CLUL1: variants seen among roughly 807,000 people sequenced by gnomAD.
CLUL1 encodes the protein clusterin-like protein 1.
Under a neutral mutation model 49.4 loss-of-function variants are expected in CLUL1, and 43 were observed. That is an observed-to-expected ratio of 0.87 (90% CI 0.68 to 1.12). The LOEUF (loss-of-function observed/expected upper bound fraction) is 1.12, where lower values mean the gene tolerates loss of function less well. Among genes scored for constraint, CLUL1 ranks in the 50% most tolerant of loss-of-function variants. CLUL1 has a pLI of 0.00. For missense variants in CLUL1, 486 were observed against 544.4 expected, an observed-to-expected ratio of 0.89 and a Z score of 1.07; for synonymous variants, 192 against 184.9, an observed-to-expected ratio of 1.04 and a Z score of -0.31.
Position 633,791 on chromosome 18 carries a change from A to ATGTAATCGGAATGAATCAGGGCGGAGCG in CLUL1, c.994+406_994+433dup, listed in dbSNP as rs751070693. Reference sequence around the variant, plus strand: ...GAGGGAAAAATGGTTATGACAGAGCATGTAATCGGAATGAATCAGGGCGGA... The same window carrying ATGTAATCGGAATGAATCAGGGCGGAGCG: ...GAGGGAAAAATGGTTATGACAGAGCATGTAATCGGAATGAATCAGGGCGGAGCGTGTAATCGGAATGAATCAGGGCGGA... On this transcript the variant is annotated intron_variant, in intron 7 of 9. Coordinates refer to ENST00000692774, the MANE Select transcript of CLUL1 (RefSeq NM_001393344.1). 2.9e-3 allele frequency among the ~76,000 whole-genome samples: 426 copies of ATGTAATCGGAATGAATCAGGGCGGAGCG among 148,588 alleles called. 5 individuals are homozygous for ATGTAATCGGAATGAATCAGGGCGGAGCG. The highest frequency in any genetic ancestry group is 9.1e-3 in the African/African-American group (366 of 40,158).
At chr18:626,855 C>A (rs1420946909) in intron 5 of CLUL1, among the ~76,000 whole-genome samples, 2 of 119,334 alleles carry the variant, frequency 1.7e-5, no homozygotes, top group Admixed American at 2.2e-4. Flanking sequence ...AGCAAGACTC[C>A]ATCTCAAATA....
chr18:616,116 G>A lies in CLUL1; in HGVS notation c.-13-1872G>A, dbSNP rs114977734. On this transcript the variant is annotated intron_variant, in intron 2 of 9. Coordinates refer to ENST00000692774, the MANE Select transcript of CLUL1 (RefSeq NM_001393344.1). ...TGTAGATTCCAGAGTTGGCTATCAT[G>A]ACTAACAGCTGTCTAAGTTGTTTTT... Among the ~76,000 whole-genome samples the A allele has an allele frequency of 6.0e-3, 913 of 151,820 alleles. 11 individuals are homozygous for A. Among genetic ancestry groups the A allele is most frequent in the African/African-American group, 0.021 (864 of 41,344 alleles).
chr18:603,401 G>T (rs1336132237), intron 1 of CLUL1, among the ~76,000 whole-genome samples: 1 of 143,566 alleles, frequency 7.0e-6, no homozygotes, highest in African/African-American at 2.5e-5. Context: ...GGAGGTAAAT[G>T]AGGAGACAAA....
In CLUL1 at chr18:644,967, G is replaced by C; in HGVS notation, c.1267G>C (p.Asp423His). 1 of 1,613,686 alleles carries C rather than the reference G, an allele frequency of 6.2e-7. No homozygotes were observed. Among genetic ancestry groups the C allele is most frequent in the Middle Eastern group, 1.6e-4 (1 of 6,062 alleles). ...CAAACAAGATGAAACAATGATGACA[G>C]ACTTAAGCATTCTGCCTTCCTCTAA... Reference protein sequence around the residue: ...ISKQDETMMTDLSILPSSNFT... With the variant: ...ISKQDETMMTHLSILPSSNFT... Residue 423 changes from aspartate (D) to histidine (H), a missense_variant, in exon 9 of 10, where the codon GAC becomes CAC. Asp to His is a moderately conservative substitution (Grantham distance 81, BLOSUM62 -1). Transcript: ENST00000692774.
intron 1 of CLUL1, among the ~76,000 whole-genome samples, chr18:600,329 A>T (rs1030403355): frequency 3.9e-5 from 6 of 152,248 alleles, no homozygotes; most frequent in African/African-American, 1.2e-4. Flanking sequence ...TATCTGGCTC[A>T]AGACCAGGAC....
intron 6 of CLUL1, among the ~76,000 whole-genome samples, chr18:630,672 C>CTTTTTTTTTTTTTTTT (rs36222515): frequency 4.8e-5 from 3 of 62,044 alleles, no homozygotes; most frequent in Admixed American, 2.5e-4. Context: ...CTACTGACAT[C>CTTTTTTTTTTTTTTTT]TTTTTTTTTT....
intron 1 of CLUL1, among the ~76,000 whole-genome samples, chr18:605,772 G>A (rs1368393718): frequency 6.6e-6 from 1 of 152,098 alleles, no homozygotes; most frequent in Non-Finnish European, 1.5e-5. Flanking sequence ...CGCCTACCAG[G>A]TTCAAGCCAT....
intron 1 of CLUL1, among the ~76,000 whole-genome samples, chr18:605,710 G>A (rs193274657): frequency 2.6e-5 from 4 of 152,122 alleles, no homozygotes; most frequent in East Asian, 3.9e-4. Flanking sequence ...AGGGTCTTGC[G>A]CTGTCACCCA....
chr18:604,982 C>G (rs1017391485), intron 1 of CLUL1, among the ~76,000 whole-genome samples: 2 of 152,160 alleles, frequency 1.3e-5, no homozygotes, highest in Non-Finnish European at 2.9e-5. Flanking sequence ...TCCCTGTGCA[C>G]GTTCCCTTAT....
At chr18:613,017 G>GGTGAA (rs2073185807) in intron 2 of CLUL1, 1 of 300,442 alleles carries the variant, frequency 3.3e-6, no homozygotes, top group African/African-American at 2.2e-5. Context: ...TCATGATGAT[G>GGTGAA]GTGAAGTGGA....
At position 618,139 on chromosome 18, in the gene CLUL1, G is replaced by A. The variant is rs1335015800; in HGVS notation, c.106+33G>A. 1.3e-6 allele frequency: 2 copies of A among 1,499,140 alleles called. No homozygotes were observed. The highest frequency in any genetic ancestry group is 2.3e-5 in the East Asian group (1 of 44,278). The allele number at this position is 1,499,140 out of a possible 1,614,324, so 92.9% of individuals were successfully genotyped here. A position where few individuals can be genotyped will look rare whatever the true frequency, so the allele number is the denominator to read the frequency against. On this transcript the variant is annotated intron_variant, in intron 3 of 9. Transcript: ENST00000692774. This position sits in a 1 kb window ranked among gnomAD's most constrained non-coding sequence, Gnocchi z 4.2. ...TGGTTTCTTATCTGTGCTGTGTCCT[G>A]TTTGCATGTTGGTTGTCCTGCTGGC...
intron 7 of CLUL1, among the ~76,000 whole-genome samples, chr18:638,845 G>A (rs1169804035): frequency 2.7e-5 from 4 of 149,932 alleles, no homozygotes; most frequent in African/African-American, 1.0e-4. Flanking sequence ...GTGACAGAGC[G>A]AGACTTTGTC....
At chr18:607,177 GAATGCAGTGAC>G in intron 2 of CLUL1, 78 bp downstream of exon 2, 1 of 689,562 alleles carries the variant, frequency 1.5e-6, no homozygotes, top group Non-Finnish European at 2.6e-6. Context: ...ACCCAGGCCA[GAATGCAGTGAC>G]ACGATCTCAG....
chr18:618,957 C>T lies in CLUL1; in HGVS notation c.107-256C>T, dbSNP rs28666784. On this transcript the variant is annotated intron_variant, in intron 3 of 9. Coordinates refer to ENST00000692774, the MANE Select transcript of CLUL1 (RefSeq NM_001393344.1). This position sits in a 1 kb window ranked among gnomAD's most constrained non-coding sequence, Gnocchi z 4.2. ...AAAAAATGGATAAATGAAAACAGGGCCTGAGCAAGATGACAAGAATGAGGT... is the reference window on the plus strand; with the variant it reads ...AAAAAATGGATAAATGAAAACAGGGTCTGAGCAAGATGACAAGAATGAGGT... Among the ~76,000 whole-genome samples, 1,199 of 152,008 alleles carry T rather than the reference C, an allele frequency of 7.9e-3. 15 individuals carry two copies. Among genetic ancestry groups the T allele is most frequent in the African/African-American group, 0.028 (1,144 of 41,448 alleles).
intron 2 of CLUL1, among the ~76,000 whole-genome samples, chr18:612,189 A>C (rs2073155257): frequency 6.6e-6 from 1 of 152,214 alleles, no homozygotes; most frequent in African/African-American, 2.4e-5. Flanking sequence ...TTTTAAAACC[A>C]GTGCATTATT....
At chr18:612,145 A>T (rs900421494) in intron 2 of CLUL1, among the ~76,000 whole-genome samples, 5 of 152,192 alleles carry the variant, frequency 3.3e-5, no homozygotes, top group Non-Finnish European at 7.3e-5. Flanking sequence ...TTGCTTTCCC[A>T]TAGTCCATTC....
At chr18:625,059 TCA>T (rs2073640515) in intron 5 of CLUL1, 27 bp downstream of exon 5, 2 of 1,610,106 alleles carry the variant, frequency 1.2e-6, no homozygotes, top group African/African-American at 2.7e-5. Context: ...GCTCAAGATT[TCA>T]CAGTTCTTGA....
intron 6 of CLUL1, 37 bp downstream of exon 6, chr18:627,566 C>T: frequency 6.9e-7 from 1 of 1,450,702 alleles, no homozygotes; most frequent in Non-Finnish European, 9.4e-7. Flanking sequence ...TAGAGGTTTA[C>T]ACTAAAGTCA....
chr18:613,445 T>C (rs375230004), intron 2 of CLUL1, among the ~76,000 whole-genome samples: 1 of 140,112 alleles, frequency 7.1e-6, no homozygotes, highest in African/African-American at 2.7e-5. Flanking sequence ...GCAATAATTT[T>C]AGTTTAGTCT....
Sources: allele counts gnomAD v4.1 joint callset (sites outside exome capture counted in the v4.1 genomes callset), GRCh38; gene constraint gnomAD v4.1.1; non-coding constraint Gnocchi (gnomAD v3.1); transcripts MANE v1.5; gene names NCBI Gene and HGNC (gene_info 2026-07-23, HGNC 2026-07-21).